The following SLC12A1 variants were observed in gnomAD, a reference collection of about 807,000 sequenced individuals.
SLC12A1 encodes solute carrier family 12 member 1, also known as Na-K-2Cl cotransporter.
In SLC12A1, 89 loss-of-function variants were observed where a neutral mutation model predicts 130.4. The ratio of observed to expected loss-of-function variants is 0.68; its 90% CI spans 0.58 to 0.81. The LOEUF is 0.81. SLC12A1 is among the 40% of genes least tolerant of loss of function. The pLI is 0.00. For missense variants in SLC12A1, 1,310 were observed against 1,336.4 expected (o/e 0.98, Z 0.31); for synonymous variants, 499 against 460.0 (o/e 1.08, Z -1.09).
chr15:48,271,870 G>C (rs2041902319), intron 19 of SLC12A1, among the ~76,000 whole-genome samples: 1 of 152,162 alleles, frequency 6.6e-6, no homozygotes, highest in Non-Finnish European at 1.5e-5. Context: ...GACCAGATCT[G>C]TCCTCTGTTA....
chr15:48,289,131 T>C (rs2042091211), intron 23 of SLC12A1, among the ~76,000 whole-genome samples: 1 of 151,738 alleles, frequency 6.6e-6, no homozygotes, highest in African/African-American at 2.4e-5. Context: ...AGTCTGTATC[T>C]TTCTCATTAA....
chr15:48,209,135 C>T lies in SLC12A1; in HGVS notation c.420+996C>T, dbSNP rs541154622. Among the ~76,000 whole-genome samples the T allele has an allele frequency of 1.3e-4, 20 of 152,282 alleles. 1 individual carries two copies. In the East Asian group the frequency reaches 3.7e-3, roughly 28 times the overall value. On this transcript the variant is annotated intron_variant, in intron 2 of 26. Coordinates refer to ENST00000380993, the MANE Select transcript of SLC12A1 (RefSeq NM_000338.3). Reference sequence around the variant, plus strand: ...GGAGTGCAATGGTGCGATCTCGGCTCACCGCAACCTCCACCTCCTGGGTTC... The same window carrying T: ...GGAGTGCAATGGTGCGATCTCGGCTTACCGCAACCTCCACCTCCTGGGTTC...
intron 14 of SLC12A1, among the ~76,000 whole-genome samples, chr15:48,249,982 G>T (rs2041628653): frequency 6.6e-6 from 1 of 152,206 alleles, no homozygotes; most frequent in African/African-American, 2.4e-5. Flanking sequence ...TTTCCAGGGT[G>T]AAAGTGACCA....
chr15:48,290,516 C>T (rs1230715164), intron 23 of SLC12A1, among the ~76,000 whole-genome samples: 1 of 152,118 alleles, frequency 6.6e-6, no homozygotes. Context: ...ACTGGCAGTG[C>T]AGTTGGTTTG....
At chr15:48,247,577 A>G in intron 13 of SLC12A1, 117 bp downstream of exon 13, 1 of 770,356 alleles carries the variant, frequency 1.3e-6, no homozygotes, top group South Asian at 2.1e-5. Context: ...ATTTGGGAAT[A>G]TTGGCATCTA....
At chr15:48,245,758 G>T (rs980690228) in intron 11 of SLC12A1, among the ~76,000 whole-genome samples, 2 of 152,176 alleles carry the variant, frequency 1.3e-5, no homozygotes, top group Non-Finnish European at 2.9e-5. Context: ...TTGGTTGAAT[G>T]ATATATTTTC....
rs1013998217 is a variant in SLC12A1 at position 48,249,518 on chromosome 15, G to A, written c.1685-57G>A. On this transcript the variant is annotated intron_variant, in intron 13 of 26. Coordinates refer to ENST00000380993, the MANE Select transcript of SLC12A1 (RefSeq NM_000338.3). ...TTCAAGCTTCGAGGCTATAACAGCT[G>A]TTCAGCCCCTGGTCTCATCACTCAT... The A allele has an allele frequency of 8.6e-6, 11 of 1,281,202 alleles. No homozygotes were observed. In the African/African-American group the frequency reaches 1.6e-4, roughly 19 times the overall value. The allele number at this position is 1,281,202 out of a possible 1,614,324, so 79.4% of individuals were successfully genotyped here.
At position 48,229,315 on chromosome 15, in the gene SLC12A1, T is replaced by C. The variant is rs1422837650; in HGVS notation, c.851T>C (p.Val284Ala). 1.3e-6 allele frequency: 2 copies of C among 1,599,874 alleles called. No individual in the cohort carries two copies. Among genetic ancestry groups the C allele is most frequent in the South Asian group, 2.3e-5 (2 of 88,504 alleles). Reference sequence around the variant, plus strand: ...GTGGTGGGATTTGCTGAGACTGTAGTAGATCTTCTTAAGGTAATTAAAAGC... The same window carrying C: ...GTGGTGGGATTTGCTGAGACTGTAGCAGATCTTCTTAAGGTAATTAAAAGC... ...MYVVGFAETVVDLLKESDSMM... is the reference protein window; with the variant it reads ...MYVVGFAETVADLLKESDSMM... The change falls in exon 6 of 27, where the codon GTA becomes GCA. Residue 284 changes from valine to alanine, a missense_variant. Physicochemically the swap from Val to Ala is moderately conservative, Grantham distance 64. Coordinates refer to ENST00000380993, the MANE Select transcript of SLC12A1 (RefSeq NM_000338.3).
chr15:48,264,722 A>G (rs899435479), intron 17 of SLC12A1, among the ~76,000 whole-genome samples: 1 of 152,082 alleles, frequency 6.6e-6, no homozygotes, highest in African/African-American at 2.4e-5. Flanking sequence ...GACTAATAAG[A>G]CTTTCAATGT....
chr15:48,242,932 G>T (rs2041534356), intron 10 of SLC12A1, among the ~76,000 whole-genome samples: 1 of 152,332 alleles, frequency 6.6e-6, no homozygotes, highest in South Asian at 2.1e-4. Flanking sequence ...AACCACTAAA[G>T]TTAAATTTCC....
intron 24 of SLC12A1, among the ~76,000 whole-genome samples, chr15:48,293,586 C>T (rs1006896744): frequency 5.9e-5 from 9 of 152,168 alleles, no homozygotes; most frequent in African/African-American, 2.2e-4. Context: ...CTTCTTGCCT[C>T]TTTCCTTCCT....
At chr15:48,270,240 G>A (rs535442198) in intron 19 of SLC12A1, among the ~76,000 whole-genome samples, 1 of 152,250 alleles carries the variant, frequency 6.6e-6, no homozygotes, top group East Asian at 1.9e-4. Flanking sequence ...AGCATCATTG[G>A]CTTGTGCACA....
At chr15:48,276,815 AAGG>A (rs368046190) in intron 20 of SLC12A1, among the ~76,000 whole-genome samples, 119 of 152,240 alleles carry the variant, frequency 7.8e-4, no homozygotes, top group African/African-American at 2.8e-3. Context: ...CAAAGAAGAG[AAGG>A]AGAAGTCAGA....
rs2042083099 is a variant in SLC12A1 at position 48,288,457 on chromosome 15, CTG to C, written c.2816_2817del (p.Cys939Ter). The C allele has an allele frequency of 6.4e-7, 1 of 1,555,522 alleles. No individual in the cohort carries two copies. The highest frequency in any genetic ancestry group is 8.7e-7 in the Non-Finnish European group (1 of 1,147,126). ...ILTLRKKWKD[C>X]KLRIYVGGKI... ...TAACTCTCAGAAAAAAATGGAAAGA[CTG>C]TAAATTAAGAATCTATGTGGGAGGG... On this transcript the variant is annotated frameshift_variant, in exon 23 of 27. Transcript: ENST00000380993. LOFTEE classifies it high-confidence loss of function.
chr15:48,207,760 T>C lies in SLC12A1; in HGVS notation c.41T>C (p.Val14Ala), dbSNP rs754371455. 3.1e-6 allele frequency: 5 copies of C among 1,603,204 alleles called. No individual in the cohort carries two copies. The highest frequency in any genetic ancestry group is 4.5e-5 in the East Asian group (2 of 44,754). ...NNSSNVFLDS[V>A]PSNTNRFQVS... ...TCTTCCAATGTATTTCTGGATTCAG[T>C]GCCCAGTAATACCAATCGCTTTCAA... is the stretch of plus-strand genomic sequence containing the variant. Residue 14 changes from valine to alanine, a missense_variant, in exon 2 of 27, where the codon GTG becomes GCG. Coordinates refer to ENST00000380993, the MANE Select transcript of SLC12A1 (RefSeq NM_000338.3).
intron 8 of SLC12A1, among the ~76,000 whole-genome samples, chr15:48,233,791 T>C (rs571958659): frequency 9.2e-5 from 14 of 152,258 alleles, no homozygotes; most frequent in African/African-American, 3.4e-4. Context: ...TTCCCTTCTA[T>C]TATTTTCCCT....
intron 12 of SLC12A1, 37 bp from the exon 13 acceptor site, chr15:48,247,300 C>A: frequency 6.3e-7 from 1 of 1,591,520 alleles, no homozygotes; most frequent in South Asian, 1.2e-5. Flanking sequence ...CTGTGCATAG[C>A]TATAAATGAC....
chr15:48,240,378 G>A (rs930967543), intron 9 of SLC12A1, among the ~76,000 whole-genome samples: 5 of 152,000 alleles, frequency 3.3e-5, no homozygotes, highest in African/African-American at 1.2e-4. Context: ...GTATGTACAT[G>A]TCAGAACAAA....
chr15:48,303,718 TAGTAC>T lies in SLC12A1; in HGVS notation c.*836_*840del, dbSNP rs1182358905. On this transcript the variant is annotated 3_prime_UTR_variant, in exon 27 of 27. Coordinates refer to ENST00000380993, the MANE Select transcript of SLC12A1 (RefSeq NM_000338.3). ...GCATATTTTTTTCTAATTAAATGGT[TAGTAC>T]AGATGAAATCTTTATAGATGACTAC... The T allele has an allele frequency of 1.3e-5, 2 of 152,324 alleles. No homozygotes were observed. The highest frequency in any genetic ancestry group is 4.8e-5 in the African/African-American group (2 of 41,582). 9.4% of individuals were successfully genotyped at this position (152,324 alleles called of 1,614,324 possible). A position where few individuals can be genotyped will look rare whatever the true frequency, so the allele number is the denominator to read the frequency against.
Sources: gnomAD v4.1 joint callset for allele counts (sites outside exome capture counted in the v4.1 genomes callset) on GRCh38, gnomAD v4.1.1 for gene constraint, MANE v1.5 for transcripts, NCBI Gene and HGNC (gene_info 2026-07-23, HGNC 2026-07-21) for gene names.